RPS6KA6: variants seen among roughly 807,000 people sequenced by gnomAD.
RPS6KA6 encodes ribosomal protein S6 kinase alpha-6.
In RPS6KA6, 27 loss-of-function variants were observed where a neutral mutation model predicts 65.4. The observed-to-expected ratio is 0.41, with a 90% CI of 0.30 to 0.57. The LOEUF is 0.57. Among genes scored for constraint, RPS6KA6 ranks in the 20% least tolerant of loss-of-function variants. The probability of loss-of-function intolerance (pLI) is 0.24; values close to 1 mark genes in which losing one functional copy is unlikely to be tolerated. For missense variants in RPS6KA6, 486 were observed against 555.6 expected, an observed-to-expected ratio of 0.87 and a Z score of 1.26; for synonymous variants, 190 against 184.2, an observed-to-expected ratio of 1.03 and a Z score of -0.26.
intron 8 of RPS6KA6, among the ~76,000 whole-genome samples, chrX:84,131,588 C>T (rs6622927): frequency 0.062 from 6,881 of 111,483 alleles, 229 homozygotes; most frequent in East Asian, 0.2. Flanking sequence ...AGAATTTTCT[C>T]ATTCTTCTGT....
At chrX:84,107,748 A>C (rs777715171) in intron 12 of RPS6KA6, 23 bp from the exon 13 acceptor site, 1 of 864,923 alleles carries the variant, frequency 1.2e-6, no homozygotes, top group Non-Finnish European at 1.7e-6. Flanking sequence ...ACCAGATAAC[A>C]CAAAACGTAT....
At chrX:84,125,915 A>T in intron 8 of RPS6KA6, among the ~76,000 whole-genome samples, 1 of 111,237 alleles carries the variant, frequency 9.0e-6, no homozygotes, top group South Asian at 3.8e-4. Context: ...ACAGAAAATC[A>T]CCTTCAGTAA....
chrX:84,124,845 C>T (rs1029860020), intron 8 of RPS6KA6, among the ~76,000 whole-genome samples: 20 of 111,624 alleles, frequency 1.8e-4, no homozygotes, highest in African/African-American at 6.5e-4. Context: ...CCAAAGAAGA[C>T]TACCTCAAGG....
At chrX:84,134,669 T>A in intron 8 of RPS6KA6, 113 bp downstream of exon 8, 1 of 467,445 alleles carries the variant, frequency 2.1e-6, no homozygotes, top group Admixed American at 4.5e-5. Context: ...AAGAGACAAA[T>A]AAATTGCAAA....
rs772038970 is a variant in RPS6KA6 at position 84,172,554 on chromosome X, T to G, written c.82-8167A>C. ...GGTATAGCTGCTATAAAAAGCAGTA[T>G]AGCAATTCCTTAAAAATTTAAAATA... On this transcript the variant is annotated intron_variant, in intron 1 of 21. Coordinates refer to ENST00000262752, the MANE Select transcript of RPS6KA6 (RefSeq NM_014496.5). Among the ~76,000 whole-genome samples, 110 of 112,214 alleles carry G rather than the reference T, an allele frequency of 9.8e-4. 1 individual carries two copies. The South Asian group carries it at 0.011, about 12-fold the overall frequency.
At chrX:84,081,691 T>C (rs1025593918) in intron 20 of RPS6KA6, among the ~76,000 whole-genome samples, 1 of 111,091 alleles carries the variant, frequency 9.0e-6, no homozygotes, top group Non-Finnish European at 1.9e-5. Flanking sequence ...GATGCAAAAA[T>C]CCTCAATAAA....
intron 2 of RPS6KA6, among the ~76,000 whole-genome samples, chrX:84,156,752 G>C (rs2035423468): frequency 9.0e-6 from 1 of 111,607 alleles, no homozygotes; most frequent in Non-Finnish European, 1.9e-5. Flanking sequence ...TTATATGCCA[G>C]ATTTCGTACC....
At chrX:84,135,038 A>C (rs1338933609) in intron 7 of RPS6KA6, 66 bp downstream of exon 7, 5 of 781,937 alleles carry the variant, frequency 6.4e-6, no homozygotes, top group Non-Finnish European at 9.6e-6. Context: ...AAAAGATCTA[A>C]CAGAGTTTGA....
At position 84,106,518 on chromosome X, in the gene RPS6KA6, G is replaced by A. The variant is rs1229204864; in HGVS notation, c.1243-31C>T. The A allele has an allele frequency of 4.2e-6, 4 of 954,655 alleles. No homozygotes were observed. The African/African-American group carries it at 5.9e-5, about 14-fold the overall frequency. The allele number at this position is 954,655 out of a possible 1,213,427, so 78.7% of individuals were successfully genotyped here. A position where few individuals can be genotyped will look rare whatever the true frequency, so the allele number is the denominator to read the frequency against. On this transcript the variant is annotated intron_variant, in intron 14 of 21. Transcript: ENST00000262752. ...TATTTTTAAAAAGTAAAATACTAAG[G>A]AGAATGAAATATTTTCACATTTTCT... is the stretch of plus-strand genomic sequence containing the variant.
rs747020265 is a variant in RPS6KA6, at chrX:84,069,227, T to C, written c.1972-4116A>G. On this transcript the variant is annotated intron_variant, in intron 20 of 21. Transcript: ENST00000262752. The stretch of plus-strand genomic sequence containing the variant: ...GTACCAAAACCAATATATAGACCGA[T>C]GGAACAGAACAGAGGCCTCAGCAAT... 2.7e-5 allele frequency among the ~76,000 whole-genome samples: 3 copies of C among 111,391 alleles called. No homozygotes were observed. The South Asian group carries it at 1.1e-3, about 42-fold the overall frequency.
At chrX:84,150,260 A>G (rs1242808178) in intron 3 of RPS6KA6, among the ~76,000 whole-genome samples, 3 of 111,207 alleles carry the variant, frequency 2.7e-5, no homozygotes, top group Non-Finnish European at 3.8e-5. Context: ...AACTTTCTCC[A>G]TATCAGTAAT....
At chrX:84,142,573 GA>G (rs756071438) in intron 6 of RPS6KA6, among the ~76,000 whole-genome samples, 58 of 111,202 alleles carry the variant, frequency 5.2e-4, no homozygotes, top group Non-Finnish European at 8.2e-4. Flanking sequence ...GTTTCTTTGA[GA>G]GTAATAAAAT....
At chrX:84,091,233 T>G (rs1276609007) in intron 20 of RPS6KA6, among the ~76,000 whole-genome samples, 1 of 112,544 alleles carries the variant, frequency 8.9e-6, no homozygotes, top group Non-Finnish European at 1.9e-5. Context: ...CACTGCTTAC[T>G]GCAAATTATA....
chrX:84,141,792 T>A (rs916377057), intron 6 of RPS6KA6, among the ~76,000 whole-genome samples: 1 of 111,543 alleles, frequency 9.0e-6, no homozygotes, highest in African/African-American at 3.2e-5. Context: ...TGTCATATCA[T>A]AACGATGAAG....
At chrX:84,073,134 AAGCTAT>A (rs1157203202) in intron 20 of RPS6KA6, among the ~76,000 whole-genome samples, 1 of 111,733 alleles carries the variant, frequency 8.9e-6, no homozygotes, top group African/African-American at 3.3e-5. Context: ...GTATTCTATA[AAGCTAT>A]AGTAACCAAA....
chrX:84,140,758 C>CATATATATATATATAT lies in RPS6KA6; in HGVS notation c.501+4719_501+4720insATATATATATATATAT, dbSNP rs1191737057. 4.8e-4 allele frequency among the ~76,000 whole-genome samples: 38 copies of CATATATATATATATAT among 79,346 alleles called. 1 individual carries two copies. The highest frequency in any genetic ancestry group is 1.5e-3 in the East Asian group (3 of 2,027). 68.9% of individuals were successfully genotyped at this position (79,346 alleles called of 115,157 possible). A position where few individuals can be genotyped will look rare whatever the true frequency, so the allele number is the denominator to read the frequency against. On this transcript the variant is annotated intron_variant, in intron 6 of 21. Coordinates refer to ENST00000262752, the MANE Select transcript of RPS6KA6 (RefSeq NM_014496.5). ...CAAAAAAAAAAAAAAAAAAAACATA[C>CATATATATATATATAT]ATATATATATATATAGTCAAACATG...
At chrX:84,097,548 T>G (rs1789213667) in intron 19 of RPS6KA6, among the ~76,000 whole-genome samples, 1 of 111,687 alleles carries the variant, frequency 9.0e-6, no homozygotes, top group Non-Finnish European at 1.9e-5. Context: ...GTTTTAGTTC[T>G]GGGTGACAAC....
At chrX:84,184,873 A>G (rs1351509919) in intron 1 of RPS6KA6, among the ~76,000 whole-genome samples, 1 of 109,655 alleles carries the variant, frequency 9.1e-6, no homozygotes, top group Non-Finnish European at 1.9e-5. Flanking sequence ...TTAAATAAAA[A>G]CAGCATTGCT....
intron 20 of RPS6KA6, among the ~76,000 whole-genome samples, chrX:84,091,605 A>G (rs1308222677): frequency 8.9e-6 from 1 of 112,171 alleles, no homozygotes; most frequent in East Asian, 2.8e-4. Flanking sequence ...AACATAAATT[A>G]GTTCGACCAT....
Sources: allele counts gnomAD v4.1 joint callset (sites outside exome capture counted in the v4.1 genomes callset), GRCh38; gene constraint gnomAD v4.1.1; transcripts MANE v1.5; gene names NCBI Gene and HGNC (gene_info 2026-07-23, HGNC 2026-07-21).